The following CTNND2 variants were observed in gnomAD, a reference collection of about 807,000 sequenced individuals.
CTNND2 encodes catenin delta 2.
CTNND2 carries 22 observed loss-of-function variants against 144.4 expected under a neutral mutation model. The ratio of observed to expected loss-of-function variants is 0.15; its 90% CI spans 0.11 to 0.22. The LOEUF (loss-of-function observed/expected upper bound fraction) is 0.22, where lower values mean the gene tolerates loss of function less well. Ranked by LOEUF, CTNND2 falls within the 10% of genes least tolerant of loss-of-function variation. The pLI, the probability that CTNND2 is intolerant of heterozygous loss-of-function variation, is 1.00. For synonymous variants in CTNND2, 751 were observed against 695.6 expected (o/e 1.08, Z -1.25); for missense variants, 1,353 against 1,618.8 (o/e 0.84, Z 2.82).
intron 9 of CTNND2, among the ~76,000 whole-genome samples, chr5:11,302,008 G>A (rs1032148277): frequency 6.6e-6 from 1 of 152,146 alleles, no homozygotes; most frequent in Non-Finnish European, 1.5e-5. Flanking sequence ...GAAGGAATGT[G>A]GGCAACTGGG....
intron 18 of CTNND2, among the ~76,000 whole-genome samples, chr5:11,008,774 G>T (rs1302394779): frequency 6.6e-6 from 1 of 152,200 alleles, no homozygotes; most frequent in African/African-American, 2.4e-5. Flanking sequence ...GGCTGGTGGT[G>T]AGAACTTCCT....
intron 1 of CTNND2, among the ~76,000 whole-genome samples, chr5:11,868,774 C>T (rs908436055): frequency 6.6e-6 from 1 of 152,130 alleles, no homozygotes; most frequent in African/African-American, 2.4e-5. Context: ...GTGCTCAGCC[C>T]TCTTGCCATG....
intron 6 of CTNND2, among the ~76,000 whole-genome samples, chr5:11,391,435 T>C (rs1413514291): frequency 6.6e-6 from 1 of 152,168 alleles, no homozygotes; most frequent in Non-Finnish European, 1.5e-5. Context: ...TTTAGTACTA[T>C]ATGAAATGTT....
intron 2 of CTNND2, among the ~76,000 whole-genome samples, chr5:11,657,492 CTTCA>C (rs1302796986): frequency 6.6e-6 from 1 of 151,954 alleles, no homozygotes; most frequent in African/African-American, 2.4e-5. Context: ...TTCTTCCTCC[CTTCA>C]TTCTTTTCTT....
At chr5:11,901,580 G>C (rs1737888711) in intron 1 of CTNND2, among the ~76,000 whole-genome samples, 1 of 152,156 alleles carries the variant, frequency 6.6e-6, no homozygotes, top group African/African-American at 2.4e-5. Flanking sequence ...GAAAACATTA[G>C]TGACATCTAT....
chr5:10,983,304 A>T (rs1040555645), intron 20 of CTNND2, among the ~76,000 whole-genome samples: 63 of 152,236 alleles, frequency 4.1e-4, no homozygotes, highest in Middle Eastern at 3.4e-3. Context: ...ATTTTTTTTT[A>T]AAAAAGCTTT....
At chr5:11,369,195 TA>T (rs1416553208) in intron 7 of CTNND2, among the ~76,000 whole-genome samples, 1 of 152,204 alleles carries the variant, frequency 6.6e-6, no homozygotes, top group Non-Finnish European at 1.5e-5. Flanking sequence ...GCAAAAAATG[TA>T]GGAATGAATG....
intron 3 of CTNND2, among the ~76,000 whole-genome samples, chr5:11,471,925 C>T (rs1767269427): frequency 1.3e-5 from 2 of 152,134 alleles, no homozygotes; most frequent in Admixed American, 6.5e-5. Flanking sequence ...CTATGTCTGG[C>T]TTCATTTTGT....
intron 16 of CTNND2, among the ~76,000 whole-genome samples, chr5:11,065,916 T>C (rs1211800189): frequency 6.6e-6 from 1 of 152,154 alleles, no homozygotes; most frequent in Non-Finnish European, 1.5e-5. Flanking sequence ...GCCCTCCCCA[T>C]CCTGAAGAGA....
intron 1 of CTNND2, among the ~76,000 whole-genome samples, chr5:11,755,691 T>G (rs1432048810): frequency 6.7e-6 from 1 of 150,148 alleles, no homozygotes; most frequent in Non-Finnish European, 1.5e-5. Context: ...GTCTTTGAGC[T>G]CTGAGATTCT....
chr5:11,398,522 C>G (rs1760344268), intron 5 of CTNND2, among the ~76,000 whole-genome samples: 1 of 151,688 alleles, frequency 6.6e-6, no homozygotes, highest in Admixed American at 6.6e-5. Context: ...TTTTCATCAA[C>G]ATTTTATATT....
intron 16 of CTNND2, among the ~76,000 whole-genome samples, chr5:11,042,882 A>G (rs1216137428): frequency 6.6e-6 from 1 of 152,172 alleles, no homozygotes; most frequent in Non-Finnish European, 1.5e-5. Context: ...AGGTGCCTGA[A>G]CTTTTCCAGA....
chr5:11,047,684 A>G (rs555998823), intron 16 of CTNND2, among the ~76,000 whole-genome samples: 1 of 152,246 alleles, frequency 6.6e-6, no homozygotes, highest in Admixed American at 6.5e-5. Flanking sequence ...CTTCAATCCT[A>G]GCAGAAGTAG....
chr5:11,843,947 A>G lies in CTNND2; in HGVS notation c.37+59870T>C, dbSNP rs193093601. Among the ~76,000 whole-genome samples, 61 of 152,338 alleles carry G rather than the reference A, an allele frequency of 4.0e-4. 1 individual carries two copies. The highest frequency in any genetic ancestry group is 1.4e-3 in the Admixed American group (22 of 15,308). ...TTGACAGACCTTCAAATTATAAAATATCAGTAGCCCAAAGTGTTTCAAACA... is the reference window on the plus strand; with the variant it reads ...TTGACAGACCTTCAAATTATAAAATGTCAGTAGCCCAAAGTGTTTCAAACA... On this transcript the variant is annotated intron_variant, in intron 1 of 21. Coordinates refer to ENST00000304623, the MANE Select transcript of CTNND2 (RefSeq NM_001332.4).
intron 9 of CTNND2, among the ~76,000 whole-genome samples, chr5:11,258,068 A>G (rs1449964813): frequency 6.6e-6 from 1 of 152,198 alleles, no homozygotes. Context: ...GATCCCTCTG[A>G]AAGTCAGATC....
At chr5:10,982,109 A>G (rs1002285585) in intron 20 of CTNND2, among the ~76,000 whole-genome samples, 1 of 152,218 alleles carries the variant, frequency 6.6e-6, no homozygotes, top group Non-Finnish European at 1.5e-5. Context: ...AGATGCTGCA[A>G]ACAGATGGTC....
chr5:11,849,210 T>TCC, intron 1 of CTNND2, among the ~76,000 whole-genome samples: 1 of 152,150 alleles, frequency 6.6e-6, no homozygotes, highest in East Asian at 1.9e-4. Context: ...GAAAGGGGTT[T>TCC]CTCCTTATAA....
chr5:11,142,586 G>A (rs1369860698), intron 12 of CTNND2, among the ~76,000 whole-genome samples: 3 of 151,404 alleles, frequency 2.0e-5, no homozygotes, highest in African/African-American at 4.9e-5. Context: ...TACTGGAAAA[G>A]GTTTGGTGTC....
rs183438586 is a variant in CTNND2 at position 11,374,729 on chromosome 5, C to T, written c.1178-9839G>A. Among the ~76,000 whole-genome samples the T allele has an allele frequency of 2.3e-3, 335 of 148,830 alleles. 1 individual carries two copies. Among genetic ancestry groups the T allele is most frequent in the African/African-American group, 6.1e-3 (245 of 40,448 alleles). Reference sequence around the variant, plus strand: ...CAGACCTCATTATTATGGATCACTACGAATATTTCCATGGAAATAATCCAG... The same window carrying T: ...CAGACCTCATTATTATGGATCACTATGAATATTTCCATGGAAATAATCCAG... On this transcript the variant is annotated intron_variant, in intron 7 of 21. Transcript: ENST00000304623.
Sources: allele counts gnomAD v4.1 joint callset (sites outside exome capture counted in the v4.1 genomes callset), GRCh38; gene constraint gnomAD v4.1.1; transcripts MANE v1.5; gene names NCBI Gene and HGNC (gene_info 2026-07-23, HGNC 2026-07-21).